Variants in RBMS3 observed in about 807,000 individuals in gnomAD.
RBMS3 encodes the protein RNA binding motif single stranded interacting protein 3, also known as RNA-binding motif, single-stranded-interacting protein 3.
RBMS3 carries 27 observed loss-of-function variants against 66.8 expected under a neutral mutation model. The ratio of observed to expected loss-of-function variants is 0.40; its 90% CI spans 0.30 to 0.56. The LOEUF (loss-of-function observed/expected upper bound fraction) is 0.56, where lower values mean the gene tolerates loss of function less well. RBMS3 is among the 20% of genes least tolerant of loss of function. The pLI is 0.40. For synonymous variants in RBMS3, 188 were observed against 183.0 expected (o/e 1.03, Z -0.22); for missense variants, 513 against 549.5 (o/e 0.93, Z 0.66).
intron 3 of RBMS3, among the ~76,000 whole-genome samples, chr3:29,497,969 A>ATCCTTTTTT (rs1553611689): frequency 1.3e-4 from 8 of 59,276 alleles, no homozygotes; most frequent in Admixed American, 1.9e-4. Flanking sequence ...CTCTAAAAGT[A>ATCCTTTTTT]TTCATTTTTT....
intron 13 of RBMS3, among the ~76,000 whole-genome samples, chr3:29,990,460 C>CAAAAAAAA (rs10596526): frequency 1.9e-5 from 2 of 106,514 alleles, no homozygotes; most frequent in African/African-American, 3.6e-5. Context: ...CTGTGAGAAA[C>CAAAAAAAA]AAAAAAAAAA....
At chr3:29,435,159 A>G (rs970050570) in intron 2 of RBMS3, 2 of 481,108 alleles carry the variant, frequency 4.2e-6, no homozygotes, top group Non-Finnish European at 7.3e-6. Flanking sequence ...TGATTCATAG[A>G]TATATGACCT....
rs1430382178 is a variant in RBMS3 at position 29,881,786 on chromosome 3, CA to C, written c.745-2373del. 2.6e-5 allele frequency among the ~76,000 whole-genome samples: 4 copies of C among 152,018 alleles called. No individual in the cohort carries two copies. The East Asian group carries it at 7.7e-4, about 29-fold the overall frequency. ...AGAAAAAATTCTTAAGTGGCCAGAA[CA>C]AACAAGCATGGCATAAAAAGAATGT... On this transcript the variant is annotated intron_variant, in intron 7 of 14. Coordinates refer to ENST00000383767, the MANE Select transcript of RBMS3 (RefSeq NM_001003793.3).
At chr3:29,333,255 T>C (rs760151348) in intron 1 of RBMS3, among the ~76,000 whole-genome samples, 17 of 152,216 alleles carry the variant, frequency 1.1e-4, no homozygotes, top group Non-Finnish European at 1.9e-4. Context: ...TTTCATGGCA[T>C]AATCCTACCT....
At chr3:29,309,362 TTAAAA>T (rs1308846249) in intron 1 of RBMS3, among the ~76,000 whole-genome samples, 1 of 151,750 alleles carries the variant, frequency 6.6e-6, no homozygotes, top group African/African-American at 2.4e-5. Flanking sequence ...ATCTTGAAGT[TTAAAA>T]TAAATATTTA....
intron 3 of RBMS3, among the ~76,000 whole-genome samples, chr3:29,536,332 T>C (rs1374476574): frequency 1.3e-5 from 2 of 152,188 alleles, no homozygotes; most frequent in African/African-American, 4.8e-5. Context: ...GTAACACTAG[T>C]ATTAATAACA....
At position 29,981,704 on chromosome 3, in the gene RBMS3, G is replaced by GGTCCTGTTT. The variant is rs531016165; in HGVS notation, c.1099-6438_1099-6430dup. ...AGATAATCATGTGGTTTTTGTCATTGGTCCTGTTTATGTGATGGACTACAT... is the reference window on the plus strand; with the variant it reads ...AGATAATCATGTGGTTTTTGTCATTGGTCCTGTTTGTCCTGTTTATGTGATGGACTACAT... On this transcript the variant is annotated intron_variant, in intron 12 of 14. Transcript: ENST00000383767. 2.0e-3 allele frequency among the ~76,000 whole-genome samples: 307 copies of GGTCCTGTTT among 152,240 alleles called. 3 individuals are homozygous for GGTCCTGTTT. Among genetic ancestry groups the GGTCCTGTTT allele is most frequent in the Admixed American group, 0.018 (280 of 15,290 alleles).
At chr3:29,977,419 TTTTC>T (rs1445593312) in intron 12 of RBMS3, among the ~76,000 whole-genome samples, 12 of 152,024 alleles carry the variant, frequency 7.9e-5, no homozygotes, top group Non-Finnish European at 5.9e-5. Flanking sequence ...TAATTTGGGG[TTTTC>T]TTTGTTTGTT....
At chr3:29,865,832 A>G (rs1029157418) in intron 6 of RBMS3, among the ~76,000 whole-genome samples, 4 of 152,244 alleles carry the variant, frequency 2.6e-5, no homozygotes, top group African/African-American at 7.2e-5. Flanking sequence ...AACAGGTACG[A>G]CAAGATATTT....
intron 4 of RBMS3, among the ~76,000 whole-genome samples, chr3:29,603,001 A>G (rs1337328161): frequency 1.3e-5 from 2 of 151,922 alleles, no homozygotes; most frequent in Non-Finnish European, 2.9e-5. Flanking sequence ...CTTCATTATC[A>G]TAGGGTTTAT....
chr3:29,851,367 TC>T (rs1193094644), intron 6 of RBMS3, among the ~76,000 whole-genome samples: 12 of 152,278 alleles, frequency 7.9e-5, no homozygotes, highest in Admixed American at 7.8e-4. Context: ...GATCGTTTGA[TC>T]CAGGAAACAG....
At chr3:29,680,892 T>C (rs956321312) in intron 4 of RBMS3, among the ~76,000 whole-genome samples, 7 of 152,250 alleles carry the variant, frequency 4.6e-5, no homozygotes, top group African/African-American at 1.7e-4. Context: ...ATCTTAAGTA[T>C]GCTGTTTAAT....
intron 13 of RBMS3, among the ~76,000 whole-genome samples, chr3:29,990,046 TATACTCTG>T (rs1459266878): frequency 6.6e-6 from 1 of 152,142 alleles, no homozygotes; most frequent in East Asian, 1.9e-4. Context: ...AAAATATAAA[TATACTCTG>T]ATATATTGCC....
chr3:29,647,833 G>T (rs2049988269), intron 4 of RBMS3, among the ~76,000 whole-genome samples: 2 of 152,106 alleles, frequency 1.3e-5, no homozygotes, highest in African/African-American at 2.4e-5. Flanking sequence ...GTTATTAAGA[G>T]TATTTTTAAA....
chr3:29,674,084 T>C (rs11520530), intron 4 of RBMS3, among the ~76,000 whole-genome samples: 17,412 of 152,188 alleles, frequency 0.11, 2,157 homozygotes, highest in African/African-American at 0.31. Flanking sequence ...TCCTGGGATG[T>C]GAGGCTGGTT....
intron 3 of RBMS3, among the ~76,000 whole-genome samples, chr3:29,551,676 T>C (rs2046183939): frequency 6.6e-6 from 1 of 152,178 alleles, no homozygotes; most frequent in African/African-American, 2.4e-5. Flanking sequence ...TGGAAGATGC[T>C]AGGAAAAAAC....
chr3:29,483,735 T>C (rs1394931781), intron 2 of RBMS3, among the ~76,000 whole-genome samples: 1 of 152,238 alleles, frequency 6.6e-6, no homozygotes, highest in African/African-American at 2.4e-5. Flanking sequence ...CAATTGTTTT[T>C]CTAATCTCTA....
intron 10 of RBMS3, among the ~76,000 whole-genome samples, chr3:29,932,754 C>T (rs973327248): frequency 6.6e-5 from 10 of 152,176 alleles, no homozygotes; most frequent in East Asian, 5.8e-4. Context: ...TTCTTTCAAA[C>T]ATTGGCAGAA....
intron 1 of RBMS3, among the ~76,000 whole-genome samples, chr3:29,433,404 C>A (rs550270543): frequency 6.6e-6 from 1 of 152,084 alleles, no homozygotes; most frequent in Admixed American, 6.5e-5. Flanking sequence ...GGGGTCACAA[C>A]TGAGAAAATC....
Sources: gnomAD v4.1 joint callset for allele counts (sites outside exome capture counted in the v4.1 genomes callset) on GRCh38, gnomAD v4.1.1 for gene constraint, MANE v1.5 for transcripts, NCBI Gene and HGNC (gene_info 2026-07-23, HGNC 2026-07-21) for gene names.